The following PCLO variants were observed in gnomAD, a reference collection of about 807,000 sequenced individuals.
The protein encoded by PCLO is protein piccolo.
A neutral mutation model predicts 427.5 loss-of-function variants in PCLO; 82 were observed. That is an observed-to-expected ratio of 0.19 (90% confidence interval 0.16 to 0.23). The LOEUF is 0.23. Among genes scored for constraint, PCLO ranks in the 10% least tolerant of loss-of-function variants. The pLI is 1.00. For synonymous variants in PCLO, 2,357 were observed against 2,155.4 expected (o/e 1.09, Z -2.59); for missense variants, 6,239 against 6,115.9 (o/e 1.02, Z -0.67).
At chr7:82,963,788 GT>G (rs1795705491) in intron 4 of PCLO, among the ~76,000 whole-genome samples, 1 of 151,982 alleles carries the variant, frequency 6.6e-6, no homozygotes, top group African/African-American at 2.4e-5. Flanking sequence ...ATGTCACTGA[GT>G]TATTCTCTAT....
In PCLO at chr7:82,951,397, G is replaced by C. The variant is rs2116427404; in HGVS notation, c.9191C>G (p.Ser3064Cys). 2 of 1,600,860 alleles carry C rather than the reference G, an allele frequency of 1.2e-6. No homozygotes were observed. The highest frequency in any genetic ancestry group is 1.7e-6 in the Non-Finnish European group (2 of 1,173,052). The change falls in exon 6 of 25, where the codon TCC becomes TGC. Residue 3064 changes from serine (S) to cysteine (C), a missense_variant. Coordinates refer to ENST00000333891, the MANE Select transcript of PCLO (RefSeq NM_033026.6). ...TGGTGGTGGTGTCATTCTTGCTGTGGAATACTGTGGGGTACTAATCCCAGC... is the reference window on the plus strand; with the variant it reads ...TGGTGGTGGTGTCATTCTTGCTGTGCAATACTGTGGGGTACTAATCCCAGC... ...SGAGISTPQYSTARMTPPPGP... is the reference protein window; with the variant it reads ...SGAGISTPQYCTARMTPPPGP...
chr7:82,824,527 A>G (rs1004138777), intron 18 of PCLO, 111 bp from the exon 19 acceptor site: 7 of 585,334 alleles, frequency 1.2e-5, no homozygotes, highest in African/African-American at 1.1e-4. Flanking sequence ...GGAATACAGT[A>G]TAACTTTTGA....
At chr7:83,014,762 A>C (rs947563697) in intron 3 of PCLO, among the ~76,000 whole-genome samples, 7 of 152,158 alleles carry the variant, frequency 4.6e-5, no homozygotes, top group Non-Finnish European at 8.8e-5. Context: ...GGCAGCAGAC[A>C]GTCAAATTAT....
chr7:82,926,766 C>G (rs1794722503), intron 6 of PCLO, among the ~76,000 whole-genome samples: 1 of 152,116 alleles, frequency 6.6e-6, no homozygotes, highest in Non-Finnish European at 1.5e-5. Flanking sequence ...TGGAAAGTCC[C>G]AAAGAGATTA....
intron 9 of PCLO, 34 bp downstream of exon 9, chr7:82,902,617 C>CA (rs750224864): frequency 3.9e-4 from 503 of 1,273,554 alleles, no homozygotes; most frequent in Middle Eastern, 6.1e-4. Flanking sequence ...AACAAAAAAA[C>CA]AAAAAAAATA....
chr7:82,947,034 G>T (rs1354125158), intron 6 of PCLO, among the ~76,000 whole-genome samples: 1 of 152,122 alleles, frequency 6.6e-6, no homozygotes, highest in Non-Finnish European at 1.5e-5. Context: ...CTTTCTGATT[G>T]TATTTACAGT....
rs772352152 is a variant in PCLO, at chr7:82,845,333, C to A, written c.13984G>T (p.Val4662Phe). The A allele has an allele frequency of 6.2e-7, 1 of 1,613,514 alleles. No homozygotes were observed. The highest frequency in any genetic ancestry group is 1.1e-5 in the South Asian group (1 of 91,084). Residue 4662 changes from valine (V) to phenylalanine (F), a missense_variant, in exon 13 of 25, where the codon GTT (valine) becomes TTT (phenylalanine). Physicochemically the swap from Val to Phe is conservative, Grantham distance 50. This residue lies in a region of PCLO where 877 missense variants were observed against 925.5 expected (regional missense o/e 0.95). Coordinates refer to ENST00000333891, the MANE Select transcript of PCLO (RefSeq NM_033026.6). ...SGPTSAGSSS[V>F]PSPGQPGSPS... ...GACCCTGGTTGCCCAGGGCTGGGAA[C>A]GGAACTGGATCCTGCTGATGTAGGA...
At chr7:83,020,530 G>C (rs938984048) in intron 3 of PCLO, among the ~76,000 whole-genome samples, 1 of 152,092 alleles carries the variant, frequency 6.6e-6, no homozygotes, top group African/African-American at 2.4e-5. Context: ...CCATGTGAGG[G>C]CATAGCGTTT....
At position 82,909,104 on chromosome 7, in the gene PCLO, A is replaced by C. The variant is rs1584135646; in HGVS notation, c.13301-91T>G. On this transcript the variant is annotated intron_variant, in intron 7 of 24. Transcript: ENST00000333891. ...ATGTTCTGTAGTACTAGCATGCACT[A>C]GGCTTGTTAACCATACATGCATTTC... 3 of 1,258,844 alleles carry C rather than the reference A, an allele frequency of 2.4e-6. No homozygotes were observed. The East Asian group carries it at 7.2e-5, about 30-fold the overall frequency. 78.0% of individuals were successfully genotyped at this position (1,258,844 alleles called of 1,614,324 possible).
rs576127368 is a variant in PCLO at position 82,877,676 on chromosome 7, T to C, written c.13654+1661A>G. Among the ~76,000 whole-genome samples the C allele has an allele frequency of 2.5e-4, 38 of 152,288 alleles. 1 individual carries two copies. Among genetic ancestry groups the C allele is most frequent in the African/African-American group, 8.4e-4 (35 of 41,558 alleles). On this transcript the variant is annotated intron_variant, in intron 10 of 24. Transcript: ENST00000333891. ...ATATTTTTAATAATGTGCATTTATT[T>C]ATTTATGAGACAGAGTCTCACTCTT...
chr7:83,019,568 C>G (rs1788291399), intron 3 of PCLO, among the ~76,000 whole-genome samples: 1 of 151,738 alleles, frequency 6.6e-6, no homozygotes, highest in South Asian at 2.1e-4. Context: ...GCAAGAGTTC[C>G]AGGTAAGACA....
intron 3 of PCLO, among the ~76,000 whole-genome samples, chr7:82,997,501 T>A (rs975981553): frequency 1.3e-5 from 2 of 152,024 alleles, no homozygotes; most frequent in Non-Finnish European, 2.9e-5. Flanking sequence ...CAAGCTATAG[T>A]AACTGATTAG....
chr7:82,763,079 A>T (rs1181536948), intron 22 of PCLO, among the ~76,000 whole-genome samples: 5 of 152,070 alleles, frequency 3.3e-5, no homozygotes, highest in Non-Finnish European at 7.4e-5. Flanking sequence ...CACTTTAAGA[A>T]TTTTTCCTGT....
intron 3 of PCLO, among the ~76,000 whole-genome samples, chr7:83,127,565 A>G (rs1036202762): frequency 3.3e-5 from 5 of 152,186 alleles, no homozygotes; most frequent in African/African-American, 9.6e-5. Context: ...TTATTGAAAT[A>G]GAATTTTAAA....
chr7:82,779,907 G>C (rs1011534688), intron 22 of PCLO, among the ~76,000 whole-genome samples: 1 of 152,024 alleles, frequency 6.6e-6, no homozygotes, highest in Admixed American at 6.6e-5. Flanking sequence ...ATGGGTAAGG[G>C]ATATAAGGGT....
rs532140924 is a variant in PCLO, at chr7:83,148,665, A to C, written c.1893+6083T>G. 9.2e-5 allele frequency among the ~76,000 whole-genome samples: 14 copies of C among 152,104 alleles called. No individual in the cohort carries two copies. The South Asian group carries it at 1.0e-3, about 11-fold the overall frequency. Reference sequence around the variant, plus strand: ...CTATAGAGAAAATATCTTCTTACATATCTCTCAGGAATAGTAAGAATTTTC... The same window carrying C: ...CTATAGAGAAAATATCTTCTTACATCTCTCTCAGGAATAGTAAGAATTTTC... On this transcript the variant is annotated intron_variant, in intron 2 of 24. Transcript: ENST00000333891.
intron 22 of PCLO, among the ~76,000 whole-genome samples, chr7:82,790,853 A>C (rs1257660116): frequency 6.6e-6 from 1 of 152,222 alleles, no homozygotes; most frequent in Non-Finnish European, 1.5e-5. Flanking sequence ...ATAACAACAT[A>C]CAGGATTAAC....
chr7:82,777,200 G>A (rs1790772280), intron 22 of PCLO, among the ~76,000 whole-genome samples: 1 of 151,966 alleles, frequency 6.6e-6, no homozygotes, highest in Non-Finnish European at 1.5e-5. Flanking sequence ...TAACCAGGGA[G>A]GTGAAAGCTA....
At chr7:82,771,075 C>T (rs73708631) in intron 22 of PCLO, among the ~76,000 whole-genome samples, 1,588 of 151,828 alleles carry the variant, frequency 0.01, 33 homozygotes, top group African/African-American at 0.036. Flanking sequence ...CAGAATGTAA[C>T]TATTTTATTC....
Sources: allele counts gnomAD v4.1 joint callset (sites outside exome capture counted in the v4.1 genomes callset), GRCh38; gene constraint gnomAD v4.1.1; regional missense constraint gnomAD v4.1.1; transcripts MANE v1.5; gene names NCBI Gene and HGNC (gene_info 2026-07-23, HGNC 2026-07-21).